Variants in RSRC1 observed in about 807,000 individuals in gnomAD.
RSRC1 encodes the protein arginine and serine rich coiled-coil 1, also known as serine/Arginine-related protein 53.
In RSRC1, 39 loss-of-function variants were observed where a neutral mutation model predicts 49.1. That is an observed-to-expected ratio of 0.79 (90% CI 0.61 to 1.04). The LOEUF (loss-of-function observed/expected upper bound fraction) is 1.04. RSRC1 is among the 50% of genes least tolerant of loss of function. The pLI is 0.00. For missense variants in RSRC1, 388 were observed against 402.4 expected, an observed-to-expected ratio of 0.96 and a Z score of 0.31; for synonymous variants, 143 against 130.8, an observed-to-expected ratio of 1.09 and a Z score of -0.63.
At chr3:158,395,947 A>G (rs1394720058) in intron 6 of RSRC1, among the ~76,000 whole-genome samples, 8 of 152,156 alleles carry the variant, frequency 5.3e-5, no homozygotes, top group South Asian at 2.1e-4. Context: ...GTTCCCATCA[A>G]TGGTAGACTG....
At chr3:158,149,505 A>G (rs1384566530) in intron 3 of RSRC1, among the ~76,000 whole-genome samples, 4 of 152,220 alleles carry the variant, frequency 2.6e-5, no homozygotes, top group African/African-American at 9.6e-5. Context: ...TGCAGATGCG[A>G]TGGTCTAAGT....
chr3:158,274,562 T>G (rs1725700924), intron 4 of RSRC1, among the ~76,000 whole-genome samples: 1 of 152,074 alleles, frequency 6.6e-6, no homozygotes, highest in South Asian at 2.1e-4. Context: ...CTAGAGAAGA[T>G]AGGAGAAAAT....
chr3:158,283,818 A>G (rs922886357), intron 4 of RSRC1, among the ~76,000 whole-genome samples: 11 of 151,990 alleles, frequency 7.2e-5, no homozygotes, highest in African/African-American at 2.4e-4. Context: ...TTCCACTGGC[A>G]GTGCATGAGG....
intron 5 of RSRC1, among the ~76,000 whole-genome samples, chr3:158,300,951 A>G (rs1277122973): frequency 1.3e-5 from 2 of 152,166 alleles, no homozygotes; most frequent in African/African-American, 2.4e-5. Context: ...GAAAAGGGGA[A>G]AGCAAGTGTG....
At chr3:158,269,372 A>C (rs1372407518) in intron 4 of RSRC1, among the ~76,000 whole-genome samples, 1 of 152,160 alleles carries the variant, frequency 6.6e-6, no homozygotes, top group Non-Finnish European at 1.5e-5. Context: ...AATCTTCTTG[A>C]AGTTTTATCA....
At chr3:158,229,151 C>T (rs1438859747) in intron 4 of RSRC1, among the ~76,000 whole-genome samples, 1 of 147,068 alleles carries the variant, frequency 6.8e-6, no homozygotes, top group African/African-American at 2.5e-5. Context: ...AACATACATA[C>T]GTGTATATAT....
intron 3 of RSRC1, among the ~76,000 whole-genome samples, chr3:158,200,383 A>G (rs528236032): frequency 6.6e-6 from 1 of 152,298 alleles, no homozygotes; most frequent in East Asian, 1.9e-4. Flanking sequence ...TTTAAAGTAC[A>G]TATTTTGTAG....
intron 5 of RSRC1, among the ~76,000 whole-genome samples, chr3:158,332,471 A>T (rs1483295189): frequency 5.3e-5 from 8 of 152,198 alleles, no homozygotes; most frequent in Non-Finnish European, 1.2e-4. Flanking sequence ...GAGCAGGAGT[A>T]GGTGTCAAAA....
chr3:158,370,994 T>G (rs1202182934), intron 6 of RSRC1, among the ~76,000 whole-genome samples: 2 of 151,874 alleles, frequency 1.3e-5, no homozygotes, highest in Non-Finnish European at 2.9e-5. Context: ...ATTGAGTGCG[T>G]TTTACTTCAT....
At chr3:158,383,945 G>C (rs1732838977) in intron 6 of RSRC1, among the ~76,000 whole-genome samples, 1 of 151,870 alleles carries the variant, frequency 6.6e-6, no homozygotes, top group Non-Finnish European at 1.5e-5. Context: ...AACTTTATGG[G>C]AAAATATTTT....
intron 5 of RSRC1, among the ~76,000 whole-genome samples, chr3:158,341,466 C>T (rs373787908): frequency 1.3e-5 from 2 of 152,192 alleles, no homozygotes; most frequent in East Asian, 3.9e-4. Context: ...GTGGAAGCCC[C>T]AAGCCCTGGA....
intron 3 of RSRC1, among the ~76,000 whole-genome samples, chr3:158,187,915 A>G (rs951705187): frequency 6.6e-6 from 1 of 152,078 alleles, no homozygotes; most frequent in Non-Finnish European, 1.5e-5. Flanking sequence ...AATAACAGAT[A>G]TATAAATGAA....
chr3:158,133,054 T>C (rs1716142282), intron 3 of RSRC1, among the ~76,000 whole-genome samples: 1 of 152,204 alleles, frequency 6.6e-6, no homozygotes. Flanking sequence ...AATATGAATG[T>C]TACATTTATT....
chr3:158,175,957 C>A (rs1259633296), intron 3 of RSRC1, among the ~76,000 whole-genome samples: 15 of 152,042 alleles, frequency 9.9e-5, no homozygotes, highest in African/African-American at 3.6e-4. Context: ...GGTTCTCGTG[C>A]CATGGTTCTG....
intron 7 of RSRC1, among the ~76,000 whole-genome samples, chr3:158,518,112 G>GCA: frequency 6.4e-5 from 5 of 77,730 alleles, no homozygotes; most frequent in African/African-American, 3.9e-4. Context: ...GTGTGTGTGT[G>GCA]TGTGTGTGTG....
intron 5 of RSRC1, among the ~76,000 whole-genome samples, chr3:158,334,763 C>T (rs944501204): frequency 2.0e-5 from 3 of 151,702 alleles, no homozygotes; most frequent in Admixed American, 1.3e-4. Context: ...TCGTGATCTG[C>T]CCACCTCAGC....
intron 6 of RSRC1, among the ~76,000 whole-genome samples, chr3:158,409,539 G>A (rs1271814022): frequency 1.3e-5 from 2 of 151,928 alleles, no homozygotes; most frequent in African/African-American, 2.4e-5. Flanking sequence ...TGATTAGTGG[G>A]TTAGCCTCAG....
At chr3:158,542,467 A>G (rs1235898231) in intron 8 of RSRC1, among the ~76,000 whole-genome samples, 11 of 152,184 alleles carry the variant, frequency 7.2e-5, no homozygotes, top group Non-Finnish European at 1.5e-5. Context: ...CCTAGGAGGT[A>G]GAGGTTGCAG....
chr3:158,375,085 T>C (rs1290052882), intron 6 of RSRC1, among the ~76,000 whole-genome samples: 1 of 151,102 alleles, frequency 6.6e-6, no homozygotes, highest in Non-Finnish European at 1.5e-5. Context: ...AAGAGGACTT[T>C]TAAATTATTG....
Sources: gnomAD v4.1 joint callset for allele counts (sites outside exome capture counted in the v4.1 genomes callset) on GRCh38, gnomAD v4.1.1 for gene constraint, MANE v1.5 for transcripts, NCBI Gene and HGNC (gene_info 2026-07-23, HGNC 2026-07-21) for gene names.